Variants in ARB2A observed in about 807,000 individuals in gnomAD.
ARB2A encodes the protein cotranscriptional regulator ARB2A.
the ARB2A span, among the ~76,000 whole-genome samples, chr5:94,010,071 T>C: frequency 6.6e-6 from 1 of 152,050 alleles, no homozygotes; most frequent in Non-Finnish European, 1.5e-5. Context: ...CTTCATCATT[T>C]CTTTCTTCAG....
chr5:93,798,971 T>C, the ARB2A span, among the ~76,000 whole-genome samples: 1 of 152,142 alleles, frequency 6.6e-6, no homozygotes, highest in East Asian at 1.9e-4. Context: ...TTTTATTCTT[T>C]TTCTGATCAA....
chr5:93,818,204 G>A, the ARB2A span, among the ~76,000 whole-genome samples: 2 of 152,086 alleles, frequency 1.3e-5, no homozygotes, highest in African/African-American at 4.8e-5. Flanking sequence ...AAGTGCTGAT[G>A]AGGATGTGCA....
At chr5:94,095,353 C>G in the ARB2A span, among the ~76,000 whole-genome samples, 146 of 152,216 alleles carry the variant, frequency 9.6e-4, no homozygotes, top group African/African-American at 3.4e-3. Context: ...TTTACTAAAT[C>G]GAGATAAGAG....
chr5:93,687,419 G>T, the ARB2A span, among the ~76,000 whole-genome samples: 1 of 152,038 alleles, frequency 6.6e-6, no homozygotes, highest in African/African-American at 2.4e-5. Context: ...AATGTACAAA[G>T]ATACTTACTT....
chr5:94,065,443 G>C, the ARB2A span, among the ~76,000 whole-genome samples: 1 of 152,184 alleles, frequency 6.6e-6, no homozygotes, highest in African/African-American at 2.4e-5. Flanking sequence ...GAGCCCAGGA[G>C]GTAGATGTTG....
chr5:93,780,545 C>G, the ARB2A span, among the ~76,000 whole-genome samples: 1 of 151,704 alleles, frequency 6.6e-6, no homozygotes, highest in South Asian at 2.1e-4. Context: ...CTCCTCCCCT[C>G]CCCTCCCCTC....
chr5:93,682,729 G>A, the ARB2A span: 8 of 686,540 alleles, frequency 1.2e-5, no homozygotes, highest in African/African-American at 1.8e-5. Flanking sequence ...TATCAAACAC[G>A]GTAGAGAAAG....
chr5:94,005,635 A>G, the ARB2A span, among the ~76,000 whole-genome samples: 3 of 152,214 alleles, frequency 2.0e-5, no homozygotes, highest in Non-Finnish European at 4.4e-5. Context: ...CAAACCACCT[A>G]TCTGAAAAAG....
the ARB2A span, among the ~76,000 whole-genome samples, chr5:93,947,785 C>G: frequency 7.4e-5 from 11 of 149,118 alleles, no homozygotes; most frequent in South Asian, 2.2e-4. Context: ...TTTGTTCTTG[C>G]GATAGTTTAC....
At chr5:94,067,280 C>T in the ARB2A span, among the ~76,000 whole-genome samples, 1 of 152,108 alleles carries the variant, frequency 6.6e-6, no homozygotes, top group African/African-American at 2.4e-5. Flanking sequence ...AAAACTGGAA[C>T]AACACAAGGA....
chr5:94,053,115 A>AGAT, the ARB2A span: 257 of 1,462,030 alleles, frequency 1.8e-4, no homozygotes, highest in Non-Finnish European at 2.2e-4. Flanking sequence ...ATAGATAGAT[A>AGAT]ACCCACTTAC....
the ARB2A span, among the ~76,000 whole-genome samples, chr5:94,048,051 C>CTTTTTTTTTTTTTT: frequency 4.2e-5 from 4 of 96,084 alleles, no homozygotes; most frequent in African/African-American, 1.2e-4. Context: ...AATCGGTAAG[C>CTTTTTTTTTTTTTT]TTTTTTTTTT....
At chr5:94,078,336 C>T in the ARB2A span, among the ~76,000 whole-genome samples, 1 of 152,110 alleles carries the variant, frequency 6.6e-6, no homozygotes, top group African/African-American at 2.4e-5. Flanking sequence ...TCAAAATAGC[C>T]TACTTGCAAC....
chr5:94,020,604 A>G, the ARB2A span, among the ~76,000 whole-genome samples: 1 of 152,194 alleles, frequency 6.6e-6, no homozygotes, highest in African/African-American at 2.4e-5. Context: ...AAACTAAACA[A>G]GAAACATAAC....
At chr5:93,982,833 T>A in the ARB2A span, among the ~76,000 whole-genome samples, 1 of 152,186 alleles carries the variant, frequency 6.6e-6, no homozygotes, top group African/African-American at 2.4e-5. Context: ...GGTGGGCGGA[T>A]CACCTGAGTT....
At chr5:94,004,456 C>T in the ARB2A span, among the ~76,000 whole-genome samples, 112 of 152,002 alleles carry the variant, frequency 7.4e-4, 1 homozygote, top group South Asian at 0.022. Flanking sequence ...GTGGCAGGCG[C>T]CTGAAGTCCC....
chr5:93,900,481 C>T, the ARB2A span, among the ~76,000 whole-genome samples: 29 of 151,828 alleles, frequency 1.9e-4, no homozygotes, highest in Admixed American at 6.6e-5. Flanking sequence ...CTTGGTGGTG[C>T]GCACCTGTGG....
the ARB2A span, among the ~76,000 whole-genome samples, chr5:93,770,804 G>A: frequency 1.3e-5 from 2 of 152,038 alleles, no homozygotes; most frequent in African/African-American, 2.4e-5. Flanking sequence ...AAATAAAAGA[G>A]GATACAAACA....
At chr5:93,925,453 T>C in the ARB2A span, among the ~76,000 whole-genome samples, 1 of 152,156 alleles carries the variant, frequency 6.6e-6, no homozygotes, top group Non-Finnish European at 1.5e-5. Context: ...AGTATTAGTG[T>C]CTTACATAAT....
Sources: gnomAD v4.1 joint callset for allele counts (sites outside exome capture counted in the v4.1 genomes callset) on GRCh38, gnomAD v4.1.1 for gene constraint, MANE v1.5 for transcripts, NCBI Gene and HGNC (gene_info 2026-07-23, HGNC 2026-07-21) for gene names.